Variants in PXDN observed in about 807,000 individuals in gnomAD.
The protein encoded by PXDN is peroxidasin homolog.
PXDN carries 77 observed loss-of-function variants against 140.3 expected under a neutral mutation model. That is an observed-to-expected ratio of 0.55 (90% CI 0.46 to 0.66). The LOEUF is 0.66. PXDN is among the 30% of genes least tolerant of loss of function. The pLI, the probability that PXDN is intolerant of heterozygous loss-of-function variation, is 0.00. For synonymous variants in PXDN, 911 were observed against 857.4 expected, an observed-to-expected ratio of 1.06 and a Z score of -1.09; for missense variants, 1,838 against 2,039.5, an observed-to-expected ratio of 0.90 and a Z score of 1.90.
chr2:1,643,617 G>C (rs767345239), intron 18 of PXDN, 41 bp from the exon 19 acceptor site: 1 of 1,603,026 alleles, frequency 6.2e-7, no homozygotes, highest in East Asian at 2.2e-5. Flanking sequence ...AGAAGGGCAG[G>C]AGACTCACAG....
chr2:1,733,867 C>T (rs1378805529), intron 1 of PXDN, among the ~76,000 whole-genome samples: 2 of 151,038 alleles, frequency 1.3e-5, no homozygotes, highest in African/African-American at 4.9e-5. Flanking sequence ...CATCCAAAAG[C>T]TAAAGGAATC....
At position 1,647,781 on chromosome 2, in the gene PXDN, G is replaced by A. The variant is rs186851716; in HGVS notation, c.3608+391C>T. 2.7e-3 allele frequency among the ~76,000 whole-genome samples: 415 copies of A among 152,332 alleles called. 2 individuals carry two copies. The highest frequency in any genetic ancestry group is 9.7e-3 in the African/African-American group (405 of 41,574). On this transcript the variant is annotated intron_variant, in intron 17 of 22. Coordinates refer to ENST00000252804, the MANE Select transcript of PXDN (RefSeq NM_012293.3). ...GCCCCTGATACAACAGCAGGAACCC[G>A]AAGCTGCCCAACAGCCACAGTGTCA...
At position 1,687,666 on chromosome 2, in the gene PXDN, G is replaced by T. The variant is rs749682634; in HGVS notation, c.382C>A (p.Gln128Lys). The change falls in exon 4 of 23, where the codon CAA becomes AAA. Residue 128 changes from glutamine to lysine, a missense_variant. Coordinates refer to ENST00000252804, the MANE Select transcript of PXDN (RefSeq NM_012293.3). The surrounding 1 kb of genome is among the most constrained non-coding windows in gnomAD (Gnocchi z 4.0). Reference protein sequence around the residue: ...YKNEIQSIDRQAFKGLASLEQ... With the variant: ...YKNEIQSIDRKAFKGLASLEQ... The stretch of plus-strand genomic sequence containing the variant: ...AGAGAGGCAAGTCCCTTAAATGCTT[G>T]CCTGTCAATTGACTGGATCTCATTC... 6.5e-7 allele frequency: 1 copy of T among 1,533,758 alleles called. No homozygotes were observed. The highest frequency in any genetic ancestry group is 9.0e-7 in the Non-Finnish European group (1 of 1,110,656).
chr2:1,650,310 C>T (rs1332277473), intron 16 of PXDN, among the ~76,000 whole-genome samples: 1 of 152,218 alleles, frequency 6.6e-6, no homozygotes, highest in Admixed American at 6.5e-5. Context: ...TCCAGAAGGG[C>T]CTCCTGCCTG....
chr2:1,634,710 G>C lies in PXDN; in HGVS notation c.4321-387C>G, dbSNP rs550490395. 3.9e-5 allele frequency among the ~76,000 whole-genome samples: 6 copies of C among 152,286 alleles called. No individual in the cohort carries two copies. The East Asian group carries it at 5.8e-4, about 15-fold the overall frequency. ...AGGAAGCAGGATGGGACTAGAGAGA[G>C]GGGGGAAGGGACAGGGCTTTGCTCT... On this transcript the variant is annotated intron_variant, in intron 22 of 22. Coordinates refer to ENST00000252804, the MANE Select transcript of PXDN (RefSeq NM_012293.3).
chr2:1,636,517 C>A (rs1682563603), intron 21 of PXDN: 1 of 152,208 alleles, frequency 6.6e-6, no homozygotes, highest in Non-Finnish European at 1.5e-5. Flanking sequence ...ACCGTACCAT[C>A]TGCATTTCAT....
intron 10 of PXDN, 57 bp downstream of exon 10, chr2:1,666,157 G>C: frequency 6.3e-7 from 1 of 1,593,278 alleles, no homozygotes; most frequent in Non-Finnish European, 8.6e-7. Flanking sequence ...GCGCGAGCTA[G>C]TGGAGGGGTG....
In PXDN at chr2:1,744,221, G is replaced by A. The variant is rs62116430; in HGVS notation, c.200+35C>T. ...GCTCCCGGATCTCCACGAAGCCCCGGACCCCGCGCCCCCGGCGTCCCCCGC... is the reference window on the plus strand; with the variant it reads ...GCTCCCGGATCTCCACGAAGCCCCGAACCCCGCGCCCCCGGCGTCCCCCGC... On this transcript the variant is annotated intron_variant, in intron 1 of 22. Coordinates refer to ENST00000252804, the MANE Select transcript of PXDN (RefSeq NM_012293.3). 432,152 of 1,453,044 alleles carry A rather than the reference G, an allele frequency of 0.3. 68,444 individuals are homozygous for A. The highest frequency in any genetic ancestry group is 0.61 in the East Asian group (20,844 of 34,238). 90.0% of individuals were successfully genotyped at this position (1,453,044 alleles called of 1,614,324 possible).
chr2:1,666,230 A>T lies in PXDN; in HGVS notation c.1275T>A (p.Ala425=). The change falls in exon 10 of 23, where the codon GCT becomes GCA. Residue 425 remains alanine, a synonymous_variant. Transcript: ENST00000252804. The stretch of plus-strand genomic sequence containing the variant: ...GATACCCACCCTGGACGATGATGAA[A>T]GCGGTGGCATGGACGCTGTCAATGT... ...TNNIDSVHAT[A]FIIVQALPQF... 1 of 1,613,922 alleles carries T rather than the reference A, an allele frequency of 6.2e-7. No individual in the cohort carries two copies. Among genetic ancestry groups the T allele is most frequent in the Admixed American group, 1.7e-5 (1 of 60,024 alleles).
At chr2:1,699,603 G>A (rs1416729580) in intron 1 of PXDN, among the ~76,000 whole-genome samples, 3 of 152,064 alleles carry the variant, frequency 2.0e-5, no homozygotes, top group East Asian at 1.9e-4. Flanking sequence ...CCAGCTACTC[G>A]GGAGGTTGAG....
chr2:1,728,895 C>G (rs960397316), intron 1 of PXDN, among the ~76,000 whole-genome samples: 2 of 152,182 alleles, frequency 1.3e-5, no homozygotes, highest in African/African-American at 4.8e-5. Flanking sequence ...CCTCTAGAAG[C>G]GAGACAGGCC....
chr2:1,634,220 G>T lies in PXDN; in HGVS notation c.4424C>A (p.Ala1475Glu), dbSNP rs201881212. Residue 1475 changes from alanine (A) to glutamate (E), a missense_variant, in exon 23 of 23, where the codon GCG becomes GAG. By Grantham distance (107) the Ala-to-Glu change is moderately radical. Transcript: ENST00000252804. The part of the protein sequence containing the change: ...ACCPVCLQKR[A>E]EEKP The stretch of plus-strand genomic sequence containing the variant: ...CCCAGGAGCCTAGGGCTTTTCCTCC[G>T]CCCTCTTCTGTAAGCAGACTGGACA... 30 of 1,592,474 alleles carry T rather than the reference G, an allele frequency of 1.9e-5. No individual in the cohort carries two copies. Among genetic ancestry groups the T allele is most frequent in the Non-Finnish European group, 2.4e-5 (28 of 1,169,414 alleles).
rs192562073 is a variant in PXDN at position 1,635,768 on chromosome 2, C to A, written c.4207-247G>T. 1,108 of 486,680 alleles carry A rather than the reference C, an allele frequency of 2.3e-3. 6 individuals are homozygous for A. The highest frequency in any genetic ancestry group is 3.5e-3 in the Non-Finnish European group (935 of 265,176). 30.1% of individuals were successfully genotyped at this position (486,680 alleles called of 1,614,324 possible). ...ATAAAAACCGTAGTCACAAAGGCGA[C>A]GTTCTCAGAGGACTGTGGGAGCAAG... On this transcript the variant is annotated intron_variant, in intron 21 of 22. Transcript: ENST00000252804.
chr2:1,711,600 TCTCCACCAGCAC>T (rs1684786079), intron 1 of PXDN, among the ~76,000 whole-genome samples: 1 of 34,608 alleles, frequency 2.9e-5, no homozygotes, highest in South Asian at 1.1e-3. Context: ...CAGCACCCAC[TCTCCACCAGCAC>T]CCACTCTCCA....
At position 1,634,008 on chromosome 2, in the gene PXDN, C is replaced by T; in HGVS notation, c.*196G>A. 1 of 678,158 alleles carries T rather than the reference C, an allele frequency of 1.5e-6. No homozygotes were observed. Among genetic ancestry groups the T allele is most frequent in the Non-Finnish European group, 2.2e-6 (1 of 445,602 alleles). The allele number at this position is 678,158 out of a possible 1,614,324, so 42.0% of individuals were successfully genotyped here. On this transcript the variant is annotated 3_prime_UTR_variant, in exon 23 of 23. Transcript: ENST00000252804. Reference sequence around the variant, plus strand: ...CTCCTGCCTGCTTCCCTTCAGGCACCTGCTGTGCCTCCTTCTCCGCAGATG... The same window carrying T: ...CTCCTGCCTGCTTCCCTTCAGGCACTTGCTGTGCCTCCTTCTCCGCAGATG...
At chr2:1,688,124 A>G (rs1360853580) in intron 3 of PXDN, among the ~76,000 whole-genome samples, 1 of 152,216 alleles carries the variant, frequency 6.6e-6, no homozygotes, top group Non-Finnish European at 1.5e-5. Flanking sequence ...GGAGTGGACA[A>G]TATGAAGACC....
chr2:1,643,306 C>T lies in PXDN; in HGVS notation c.3952+62G>A, dbSNP rs754059493. The T allele has an allele frequency of 1.2e-5, 19 of 1,526,264 alleles. 1 individual carries two copies. Among genetic ancestry groups the T allele is most frequent in the Admixed American group, 5.1e-5 (3 of 58,812 alleles). 94.5% of individuals were successfully genotyped at this position (1,526,264 alleles called of 1,614,324 possible). Reference sequence around the variant, plus strand: ...TGACATCTGCAGGTCATTAAGCACCCGCCAAGCAGTCACCAAAACCAGGGA... The same window carrying T: ...TGACATCTGCAGGTCATTAAGCACCTGCCAAGCAGTCACCAAAACCAGGGA... On this transcript the variant is annotated intron_variant, in intron 19 of 22. Coordinates refer to ENST00000252804, the MANE Select transcript of PXDN (RefSeq NM_012293.3).
intron 1 of PXDN, among the ~76,000 whole-genome samples, chr2:1,735,534 T>A (rs530183697): frequency 6.6e-6 from 1 of 152,340 alleles, no homozygotes; most frequent in African/African-American, 2.4e-5. Context: ...ACGAGATGCA[T>A]TGTAAACGAG....
chr2:1,643,928 C>T (rs6740181), intron 18 of PXDN, among the ~76,000 whole-genome samples: 39,405 of 151,310 alleles, frequency 0.26, 5,444 homozygotes, highest in East Asian at 0.41. Context: ...AAAAATTAGC[C>T]GGGTGTGGTG....
Sources: allele counts gnomAD v4.1 joint callset (sites outside exome capture counted in the v4.1 genomes callset), GRCh38; gene constraint gnomAD v4.1.1; non-coding constraint Gnocchi (gnomAD v3.1); transcripts MANE v1.5; gene names NCBI Gene and HGNC (gene_info 2026-07-23, HGNC 2026-07-21).